TBCEL: variants seen among roughly 807,000 people sequenced by gnomAD.
The protein encoded by TBCEL is tubulin folding cofactor E like.
TBCEL carries 15 observed loss-of-function variants against 44.2 expected under a neutral mutation model. The ratio of observed to expected loss-of-function variants is 0.34; its 90% CI spans 0.23 to 0.52. The LOEUF (loss-of-function observed/expected upper bound fraction) is 0.52. Ranked by LOEUF, TBCEL falls within the 20% of genes least tolerant of loss-of-function variation. The pLI is 0.95. For synonymous variants in TBCEL, 171 were observed against 185.4 expected (o/e 0.92, Z 0.63); for missense variants, 319 against 506.3 (o/e 0.63, Z 3.55).
chr11:121,045,844 A>C, intron 3 of TBCEL, 21 bp downstream of exon 3: 1 of 1,554,400 alleles, frequency 6.4e-7, no homozygotes, highest in African/African-American at 1.4e-5. Flanking sequence ...TGGGACCTAA[A>C]ACACTTATTT....
At chr11:121,046,157 C>T (rs1484293328) in intron 3 of TBCEL, among the ~76,000 whole-genome samples, 1 of 152,042 alleles carries the variant, frequency 6.6e-6, no homozygotes, top group Non-Finnish European at 1.5e-5. Flanking sequence ...GTTTACAAGA[C>T]ATTCACATTT....
At chr11:121,034,586 T>A (rs1264530880) in intron 1 of TBCEL, among the ~76,000 whole-genome samples, 1 of 152,190 alleles carries the variant, frequency 6.6e-6, no homozygotes, top group Non-Finnish European at 1.5e-5. Context: ...AACCTACTGA[T>A]TAGCACATTT....
At chr11:121,030,169 A>G (rs1386970552) in intron 1 of TBCEL, among the ~76,000 whole-genome samples, 2 of 152,234 alleles carry the variant, frequency 1.3e-5, no homozygotes, top group Non-Finnish European at 2.9e-5. Flanking sequence ...GAAAAGGGCA[A>G]TCCTGCAAAT....
intron 2 of TBCEL, among the ~76,000 whole-genome samples, chr11:121,040,332 G>T (rs746510836): frequency 6.6e-6 from 1 of 152,116 alleles, no homozygotes; most frequent in Admixed American, 6.5e-5. Context: ...CATTTAACTT[G>T]GCTAGCAAAG....
At position 121,056,106 on chromosome 11, in the gene TBCEL, T is replaced by C. The variant is rs147489009; in HGVS notation, c.712+798T>C. Reference sequence around the variant, plus strand: ...CCATTGTAGTAACATTCAGAATAGTTTCCCTGCCCTAAAAATCCTCTGTGC... The same window carrying C: ...CCATTGTAGTAACATTCAGAATAGTCTCCCTGCCCTAAAAATCCTCTGTGC... On this transcript the variant is annotated intron_variant, in intron 6 of 8. Transcript: ENST00000683345. Among the ~76,000 whole-genome samples, 287 of 151,898 alleles carry C rather than the reference T, an allele frequency of 1.9e-3. 1 individual carries two copies. Among genetic ancestry groups the C allele is most frequent in the African/African-American group, 6.6e-3 (274 of 41,502 alleles).
At chr11:121,043,737 T>C (rs1945376483) in intron 2 of TBCEL, among the ~76,000 whole-genome samples, 1 of 152,142 alleles carries the variant, frequency 6.6e-6, no homozygotes, top group Non-Finnish European at 1.5e-5. Flanking sequence ...GGCTAAACAC[T>C]CTACTGTCTG....
intron 8 of TBCEL, 96 bp downstream of exon 8, chr11:121,060,181 C>G (rs2075923201): frequency 1.3e-6 from 1 of 799,456 alleles, no homozygotes; most frequent in African/African-American, 1.7e-5. Context: ...GTTATTGGAC[C>G]CTTCTTAGAG....
chr11:121,032,612 C>G (rs542114771), intron 1 of TBCEL, among the ~76,000 whole-genome samples: 1 of 152,304 alleles, frequency 6.6e-6, no homozygotes, highest in South Asian at 2.1e-4. Flanking sequence ...CATATTGCAG[C>G]TTCCTCGTGC....
chr11:121,045,900 CA>C, intron 3 of TBCEL, 77 bp downstream of exon 3: 1 of 1,364,188 alleles, frequency 7.3e-7, no homozygotes, highest in Non-Finnish European at 9.7e-7. Flanking sequence ...GCCTTGTTTG[CA>C]AATGATTTAT....
At chr11:121,040,494 T>C (rs10892663) in intron 2 of TBCEL, among the ~76,000 whole-genome samples, 55,877 of 151,792 alleles carry the variant, frequency 0.37, 10,884 homozygotes, top group African/African-American at 0.51. Flanking sequence ...TCATTCCCTC[T>C]TCTTAGTTTC....
At chr11:121,054,068 G>A (rs961508762) in intron 5 of TBCEL, among the ~76,000 whole-genome samples, 9 of 151,776 alleles carry the variant, frequency 5.9e-5, no homozygotes, top group Admixed American at 5.9e-4. Flanking sequence ...TTCTTTGGGA[G>A]GAAAAGTCAT....
At chr11:121,031,463 CATTTTA>C (rs1945141900) in intron 1 of TBCEL, among the ~76,000 whole-genome samples, 1 of 151,990 alleles carries the variant, frequency 6.6e-6, no homozygotes. Flanking sequence ...ATATGTTAAA[CATTTTA>C]ATTTTATCTT....
intron 8 of TBCEL, among the ~76,000 whole-genome samples, chr11:121,084,962 T>C (rs974189602): frequency 1.3e-5 from 2 of 151,450 alleles, no homozygotes; most frequent in African/African-American, 4.8e-5. Flanking sequence ...TTTGCTAAAA[T>C]CCTTACATCC....
chr11:121,047,392 T>C, intron 3 of TBCEL, 136 bp from the exon 4 acceptor site: 1 of 1,074,754 alleles, frequency 9.3e-7, no homozygotes, highest in Non-Finnish European at 1.3e-6. Context: ...TTGGTCCCAT[T>C]ATATCCTGTA....
chr11:121,074,740 A>T, intron 8 of TBCEL, among the ~76,000 whole-genome samples: 1 of 151,490 alleles, frequency 6.6e-6, no homozygotes, highest in Non-Finnish European at 1.5e-5. Flanking sequence ...CTTCTTCCTG[A>T]CTCCTACCCT....
At chr11:121,080,824 A>G (rs781332431) in intron 8 of TBCEL, among the ~76,000 whole-genome samples, 7 of 152,196 alleles carry the variant, frequency 4.6e-5, no homozygotes, top group Admixed American at 3.9e-4. Flanking sequence ...GATTGGCAAG[A>G]TGGAGAAACA....
intron 3 of TBCEL, among the ~76,000 whole-genome samples, chr11:121,046,114 G>A (rs558052892): frequency 7.6e-4 from 115 of 152,150 alleles, no homozygotes; most frequent in Non-Finnish European, 1.4e-3. Context: ...TACAGGACTG[G>A]CCTGTGCCCT....
rs72188561 is a variant in TBCEL, at chr11:121,043,309, GAAAT to G, written c.-17-2363_-17-2360del. 5.2e-3 allele frequency among the ~76,000 whole-genome samples: 785 copies of G among 152,248 alleles called. 4 individuals carry two copies. The highest frequency in any genetic ancestry group is 0.017 in the African/African-American group (721 of 41,546). On this transcript the variant is annotated intron_variant, in intron 2 of 8. Transcript: ENST00000683345. Reference sequence around the variant, plus strand: ...CTGATGCTATGAATTGATACTGAAAGAAATAGGATTACACAGTTCCACTACCCTT... The same window carrying G: ...CTGATGCTATGAATTGATACTGAAAGAGGATTACACAGTTCCACTACCCTT...
chr11:121,061,434 C>G (rs1263213025), intron 8 of TBCEL, among the ~76,000 whole-genome samples: 1 of 151,912 alleles, frequency 6.6e-6, no homozygotes, highest in African/African-American at 2.4e-5. Context: ...TACGTCCATA[C>G]AGTCATCCAT....
Sources: allele counts gnomAD v4.1 joint callset (sites outside exome capture counted in the v4.1 genomes callset), GRCh38; gene constraint gnomAD v4.1.1; transcripts MANE v1.5; gene names NCBI Gene and HGNC (gene_info 2026-07-23, HGNC 2026-07-21).